Variants in CCDC40 observed in about 807,000 individuals in gnomAD.
CCDC40 encodes coiled-coil domain-containing protein 40.
Under a neutral mutation model 124.5 loss-of-function variants are expected in CCDC40, and 104 were observed. The observed-to-expected ratio is 0.84, with a 90% CI of 0.71 to 0.98. The LOEUF (loss-of-function observed/expected upper bound fraction) is 0.98, where lower values mean the gene tolerates loss of function less well. Ranked by LOEUF, CCDC40 falls within the 50% of genes least tolerant of loss-of-function variation. The pLI is 0.00. For synonymous variants in CCDC40, 580 were observed against 602.9 expected (o/e 0.96, Z 0.56); for missense variants, 1,463 against 1,503.9 (o/e 0.97, Z 0.45).
intron 3 of CCDC40, among the ~76,000 whole-genome samples, chr17:80,043,089 T>A (rs2143588450): frequency 6.6e-6 from 1 of 152,300 alleles, no homozygotes; most frequent in African/African-American, 2.4e-5. Context: ...TATTCTTACA[T>A]CTGCATAGAC....
rs926475290 is a variant in CCDC40 at position 80,066,235 on chromosome 17, T to C, written c.1562+629T>C. On this transcript the variant is annotated intron_variant, in intron 10 of 19. Transcript: ENST00000397545. This position sits in a 1 kb window ranked among gnomAD's most constrained non-coding sequence, Gnocchi z 4.4. ...TCCACCTTTCGTAGTCTCCACCCCTTGTGCCCAGCACAGAGCCTGGCATAC... is the reference window on the plus strand; with the variant it reads ...TCCACCTTTCGTAGTCTCCACCCCTCGTGCCCAGCACAGAGCCTGGCATAC... The C allele has an allele frequency of 1.4e-6, 1 of 702,138 alleles. No homozygotes were observed. The highest frequency in any genetic ancestry group is 2.6e-6 in the Non-Finnish European group (1 of 384,566). The allele number at this position is 702,138 out of a possible 1,614,324, so 43.5% of individuals were successfully genotyped here.
At position 80,087,506 on chromosome 17, in the gene CCDC40, G is replaced by C; in HGVS notation, c.2450-101G>C. The C allele has an allele frequency of 1.2e-6, 1 of 869,356 alleles. No individual in the cohort carries two copies. Among genetic ancestry groups the C allele is most frequent in the Non-Finnish European group, 1.9e-6 (1 of 521,750 alleles). 53.9% of individuals were successfully genotyped at this position (869,356 alleles called of 1,614,324 possible). On this transcript the variant is annotated intron_variant, in intron 14 of 19. Transcript: ENST00000397545. The surrounding 1 kb of genome is among the most constrained non-coding windows in gnomAD (Gnocchi z 4.5). The stretch of plus-strand genomic sequence containing the variant: ...GAGGGAGGGGATGAAGGGAGCTACA[G>C]GGAGAGACAAAACCTGGCTCACCTC...
Position 80,039,892 on chromosome 17 carries a change from C to T in CCDC40, c.174C>T (p.Thr58=). 1 of 1,613,690 alleles carries T rather than the reference C, an allele frequency of 6.2e-7. No individual in the cohort carries two copies. The highest frequency in any genetic ancestry group is 1.3e-5 in the African/African-American group (1 of 74,902). The change falls in exon 3 of 20, where the codon ACC becomes ACT. Residue 58 remains threonine (T), a synonymous_variant. Coordinates refer to ENST00000397545, the MANE Select transcript of CCDC40 (RefSeq NM_017950.4). The stretch of plus-strand genomic sequence containing the variant: ...CAGAGCATCCTGAGGAAGTCACAAC[C>T]CAAGCGGAAGCTGCAATTGAAGAGG... The part of the protein sequence containing the change: ...GSTEHPEEVT[T]QAEAAIEEGE...
rs78945041 is a variant in CCDC40, at chr17:80,095,388, C to T, written c.2958C>T (p.Leu986=). Residue 986 remains leucine, a synonymous_variant, in exon 18 of 20, where the codon CTC becomes CTT. Transcript: ENST00000397545. The stretch of plus-strand genomic sequence containing the variant: ...AGCGCAAGATGGACAGGAAGGCGCT[C>T]ACCCGCACCGACTTCCACCACAAGC... ...EGQRKMDRKA[L]TRTDFHHKQL... is the part of the protein sequence containing the mutation. The T allele has an allele frequency of 8.0e-4, 1,298 of 1,614,114 alleles. 2 individuals are homozygous for T. The highest frequency in any genetic ancestry group is 9.9e-4 in the Non-Finnish European group (1,169 of 1,180,036).
chr17:80,077,466 T>C (rs2038336670), intron 10 of CCDC40, among the ~76,000 whole-genome samples: 1 of 152,162 alleles, frequency 6.6e-6, no homozygotes. Flanking sequence ...GAGGTTGCAG[T>C]GAGCCGAGAT....
chr17:80,037,954 A>G, intron 1 of CCDC40, 169 bp from the exon 2 acceptor site: 1 of 608,508 alleles, frequency 1.6e-6, no homozygotes, highest in South Asian at 1.6e-5. Context: ...CCTGACAGGC[A>G]TGATATAGTG....
rs1245932906 is a variant in CCDC40 at position 80,095,817 on chromosome 17, A to G, written c.3021+366A>G. Among the ~76,000 whole-genome samples, 3 of 152,210 alleles carry G rather than the reference A, an allele frequency of 2.0e-5. No homozygotes were observed. The East Asian group carries it at 5.8e-4, about 29-fold the overall frequency. ...GCCGTGTTTCAGCCCCTCCCTGCAT[A>G]TCGGAGGTGGCATTGGGAAGGCATA... On this transcript the variant is annotated intron_variant, in intron 18 of 19. Transcript: ENST00000397545.
rs145880301 is a variant in CCDC40 at position 80,058,198 on chromosome 17, G to A, written c.1160-296G>A. ...AGCCTTACCACCTGGCACTACTTCAGTGTATCCTTAGACTACCAGGAGGAT... is the reference window on the plus strand; with the variant it reads ...AGCCTTACCACCTGGCACTACTTCAATGTATCCTTAGACTACCAGGAGGAT... On this transcript the variant is annotated intron_variant, in intron 7 of 19. Coordinates refer to ENST00000397545, the MANE Select transcript of CCDC40 (RefSeq NM_017950.4). The surrounding 1 kb of genome is among the most constrained non-coding windows in gnomAD (Gnocchi z 4.2). 3.8e-4 allele frequency among the ~76,000 whole-genome samples: 58 copies of A among 152,324 alleles called. No individual in the cohort carries two copies. The highest frequency in any genetic ancestry group is 1.3e-3 in the African/African-American group (56 of 41,572).
rs761619279 is a variant in CCDC40 at position 80,081,553 on chromosome 17, CA to C, written c.1571del (p.Gln524ArgfsTer19). The C allele has an allele frequency of 3.7e-6, 6 of 1,613,386 alleles. No homozygotes were observed. The African/African-American group carries it at 8.0e-5, about 22-fold the overall frequency. ...RAVLEALRGC[Q>X]HQAKSTDGEI... The stretch of plus-strand genomic sequence containing the variant: ...CCCGCTGCATTTCTACAGAGGATGC[CA>C]GCATCAAGCCAAATCCACCGACGGC... On this transcript the variant is annotated frameshift_variant, in exon 11 of 20. Coordinates refer to ENST00000397545, the MANE Select transcript of CCDC40 (RefSeq NM_017950.4). LOFTEE classifies it high-confidence loss of function.
chr17:80,064,913 C>T (rs9896290), intron 9 of CCDC40, among the ~76,000 whole-genome samples: 8,939 of 151,964 alleles, frequency 0.059, 823 homozygotes, highest in African/African-American at 0.2. Context: ...CTACAGGAAG[C>T]GGTGCTGGGC....
Position 80,086,486 on chromosome 17 carries a change from A to G in CCDC40, c.2449+270A>G. On this transcript the variant is annotated intron_variant, in intron 14 of 19. Transcript: ENST00000397545. This position sits in a 1 kb window ranked among gnomAD's most constrained non-coding sequence, Gnocchi z 5.5. ...TCAGAGCTCTCCTTGAGAGAGGAGC[A>G]TGGAAGGTTATCATCCCCGCCAAGC... 2.3e-6 allele frequency: 1 copy of G among 440,568 alleles called. No individual in the cohort carries two copies. The highest frequency in any genetic ancestry group is 2.1e-5 in the South Asian group (1 of 47,600). 27.3% of individuals were successfully genotyped at this position (440,568 alleles called of 1,614,324 possible). A position where few individuals can be genotyped will look rare whatever the true frequency, so the allele number is the denominator to read the frequency against.
chr17:80,064,147 G>A lies in CCDC40; in HGVS notation c.1441-1338G>A, dbSNP rs187630991. 5.9e-5 allele frequency among the ~76,000 whole-genome samples: 9 copies of A among 152,264 alleles called. No homozygotes were observed. In the East Asian group the frequency reaches 1.7e-3, roughly 29 times the overall value. Reference sequence around the variant, plus strand: ...CTTAATTCACACCATTTTAGGTTACGTCGTAATGAATAGATGGTTCAGAAA... The same window carrying A: ...CTTAATTCACACCATTTTAGGTTACATCGTAATGAATAGATGGTTCAGAAA... On this transcript the variant is annotated intron_variant, in intron 9 of 19. Coordinates refer to ENST00000397545, the MANE Select transcript of CCDC40 (RefSeq NM_017950.4).
At chr17:80,072,589 G>A (rs1284627825) in intron 10 of CCDC40, among the ~76,000 whole-genome samples, 2 of 152,158 alleles carry the variant, frequency 1.3e-5, no homozygotes, top group Non-Finnish European at 2.9e-5. Flanking sequence ...GTACAAAATT[G>A]CATACCTCCA....
At chr17:80,041,966 G>A (rs548757790) in intron 3 of CCDC40, among the ~76,000 whole-genome samples, 1 of 152,108 alleles carries the variant, frequency 6.6e-6, no homozygotes, top group Non-Finnish European at 1.5e-5. Context: ...TTGTGGGAAG[G>A]TGCTTTTTTC....
chr17:80,063,115 A>G (rs1165252308), intron 9 of CCDC40, among the ~76,000 whole-genome samples: 3 of 152,064 alleles, frequency 2.0e-5, no homozygotes, highest in Non-Finnish European at 4.4e-5. Context: ...GAATTGCTTG[A>G]ACTCAGGAGG....
At chr17:80,041,317 G>A (rs2037275986) in intron 3 of CCDC40, among the ~76,000 whole-genome samples, 1 of 151,994 alleles carries the variant, frequency 6.6e-6, no homozygotes. Flanking sequence ...ATACCAGCCT[G>A]GCCAACATGG....
chr17:80,077,182 C>G (rs1331835998), intron 10 of CCDC40, among the ~76,000 whole-genome samples: 1 of 152,228 alleles, frequency 6.6e-6, no homozygotes, highest in Non-Finnish European at 1.5e-5. Context: ...TGGCCTGCAA[C>G]TGAACCTGCA....
In CCDC40 at chr17:80,067,638, T is replaced by C. The variant is rs774830448; in HGVS notation, c.1562+2032T>C. 3.8e-5 allele frequency: 58 copies of C among 1,536,290 alleles called. No individual in the cohort carries two copies. In the South Asian group the frequency reaches 6.7e-4, roughly 18 times the overall value. ...GGCATCGAGGGCGTTCGCGTCCGTC[T>C]GTTATGGCGGTGCTGCTGTAGATAA... On this transcript the variant is annotated intron_variant, in intron 10 of 19. Transcript: ENST00000397545.
chr17:80,067,360 C>T lies in CCDC40; in HGVS notation c.1562+1754C>T, dbSNP rs116610645. The T allele has an allele frequency of 5.1e-3, 3,050 of 592,996 alleles. 71 individuals carry two copies. The African/African-American group carries it at 0.052, about 10-fold the overall frequency. 36.7% of individuals were successfully genotyped at this position (592,996 alleles called of 1,614,324 possible). ...CCCCCTCCCAAGACAAGCAAAGGCA[C>T]CTGGTTTTCTGGGATCCCCTGCCTA... On this transcript the variant is annotated intron_variant, in intron 10 of 19. Transcript: ENST00000397545.
Sources: allele counts gnomAD v4.1 joint callset (sites outside exome capture counted in the v4.1 genomes callset), GRCh38; gene constraint gnomAD v4.1.1; non-coding constraint Gnocchi (gnomAD v3.1); transcripts MANE v1.5; gene names NCBI Gene and HGNC (gene_info 2026-07-23, HGNC 2026-07-21).